SGCZ: variants seen among roughly 807,000 people sequenced by gnomAD.
The protein encoded by SGCZ is zeta-sarcoglycan.
In SGCZ, 40 loss-of-function variants were observed where a neutral mutation model predicts 41.3. The observed-to-expected ratio is 0.97, with a 90% CI of 0.75 to 1.26. SGCZ has a LOEUF of 1.26. Ranked by LOEUF, SGCZ falls within the 50% of genes most tolerant of loss-of-function variation. SGCZ has a pLI of 0.00. For missense variants in SGCZ, 552 were observed against 369.8 expected, an observed-to-expected ratio of 1.49 and a Z score of -4.04; for synonymous variants, 206 against 137.5, an observed-to-expected ratio of 1.50 and a Z score of -3.49.
At chr8:14,768,640 C>G (rs1210983716) in intron 1 of SGCZ, among the ~76,000 whole-genome samples, 2 of 152,114 alleles carry the variant, frequency 1.3e-5, no homozygotes, top group Non-Finnish European at 2.9e-5. Context: ...CTAAGCTGCA[C>G]GTAGTCACCA....
rs547493723 is a variant in SGCZ at position 14,565,823 on chromosome 8, T to C, written c.40-10897A>G. 8.8e-4 allele frequency among the ~76,000 whole-genome samples: 134 copies of C among 152,202 alleles called. 3 individuals are homozygous for C. The highest frequency in any genetic ancestry group is 3.9e-3 in the Admixed American group (60 of 15,292). On this transcript the variant is annotated intron_variant, in intron 1 of 7. Transcript: ENST00000382080. ...TAGAGGATGGCTTCCATAACACTGA[T>C]AATAAAGAGAAAGACACCAATGGTT...
intron 1 of SGCZ, among the ~76,000 whole-genome samples, chr8:14,766,561 A>G (rs1800041381): frequency 6.6e-6 from 1 of 151,752 alleles, no homozygotes; most frequent in South Asian, 2.1e-4. Context: ...TTTTAAAAAT[A>G]TATATATTTT....
At chr8:14,946,464 C>T (rs1800450590) in intron 1 of SGCZ, among the ~76,000 whole-genome samples, 1 of 152,122 alleles carries the variant, frequency 6.6e-6, no homozygotes, top group African/African-American at 2.4e-5. Flanking sequence ...TGTGTTCCTC[C>T]ATGATGTGCC....
rs186576252 is a variant in SGCZ at position 15,028,936 on chromosome 8, T to C, written c.39+208649A>G. ...GGTTGCAAACATATTCATAATCAAG[T>C]TTTGTGAATGAATATAAATGTGCAA... On this transcript the variant is annotated intron_variant, in intron 1 of 7. Transcript: ENST00000382080. 2.0e-5 allele frequency among the ~76,000 whole-genome samples: 3 copies of C among 152,158 alleles called. No homozygotes were observed. The East Asian group carries it at 5.8e-4, about 29-fold the overall frequency.
intron 4 of SGCZ, among the ~76,000 whole-genome samples, chr8:14,189,603 G>C (rs569804078): frequency 6.6e-6 from 1 of 152,090 alleles, no homozygotes. Flanking sequence ...ATAATGAGCC[G>C]TCTGCTCAGA....
At chr8:14,117,130 G>C (rs1033765666) in intron 5 of SGCZ, among the ~76,000 whole-genome samples, 1 of 152,006 alleles carries the variant, frequency 6.6e-6, no homozygotes, top group African/African-American at 2.4e-5. Context: ...TATCTTTAAA[G>C]ATGTATCTTT....
chr8:14,438,681 T>G (rs1800160300), intron 2 of SGCZ, among the ~76,000 whole-genome samples: 1 of 152,036 alleles, frequency 6.6e-6, no homozygotes, highest in South Asian at 2.1e-4. Context: ...CATCAGATAT[T>G]TCATGAGGCT....
At chr8:15,125,651 G>C (rs554496534) in intron 1 of SGCZ, among the ~76,000 whole-genome samples, 2 of 152,094 alleles carry the variant, frequency 1.3e-5, no homozygotes, top group South Asian at 2.1e-4. Context: ...TGATTAGATA[G>C]AATAGTTATG....
intron 1 of SGCZ, among the ~76,000 whole-genome samples, chr8:14,991,371 T>A (rs1413460983): frequency 5.3e-5 from 8 of 152,162 alleles, no homozygotes; most frequent in Non-Finnish European, 1.0e-4. Context: ...TTCTGACCTA[T>A]TCAGGCAGAC....
At chr8:14,155,570 C>A (rs963116482) in intron 5 of SGCZ, among the ~76,000 whole-genome samples, 4 of 151,990 alleles carry the variant, frequency 2.6e-5, no homozygotes, top group Non-Finnish European at 5.9e-5. Flanking sequence ...TGAAATGGTG[C>A]TTTTCTAATC....
intron 1 of SGCZ, among the ~76,000 whole-genome samples, chr8:14,930,678 C>T (rs946391299): frequency 6.6e-6 from 1 of 151,954 alleles, no homozygotes; most frequent in African/African-American, 2.4e-5. Context: ...GAGTTCACGT[C>T]CTTTGCAGGG....
chr8:14,430,171 G>C (rs928018679), intron 2 of SGCZ, among the ~76,000 whole-genome samples: 1 of 152,006 alleles, frequency 6.6e-6, no homozygotes, highest in Non-Finnish European at 1.5e-5. Context: ...TAGAGAAAGA[G>C]GGAATCCTCC....
chr8:14,278,433 C>G (rs1282867587), intron 3 of SGCZ, among the ~76,000 whole-genome samples: 1 of 152,050 alleles, frequency 6.6e-6, no homozygotes, highest in Non-Finnish European at 1.5e-5. Context: ...ATAATTTAGT[C>G]AAATTACAAC....
chr8:14,904,818 G>A (rs1411916448), intron 1 of SGCZ, among the ~76,000 whole-genome samples: 3 of 151,684 alleles, frequency 2.0e-5, no homozygotes, highest in Non-Finnish European at 4.4e-5. Context: ...TCTACAAGTC[G>A]TCACAGATTT....
At chr8:15,141,073 C>T (rs1340786026) in intron 1 of SGCZ, among the ~76,000 whole-genome samples, 1 of 152,190 alleles carries the variant, frequency 6.6e-6, no homozygotes, top group Non-Finnish European at 1.5e-5. Flanking sequence ...TTCCTTTTGC[C>T]CTGACTTCTT....
chr8:14,384,168 A>C (rs1329863518), intron 2 of SGCZ, among the ~76,000 whole-genome samples: 1 of 151,738 alleles, frequency 6.6e-6, no homozygotes, highest in Non-Finnish European at 1.5e-5. Context: ...TCCTGTGTCC[A>C]TGTGTTCTCA....
chr8:15,205,870 C>T (rs1801043509), intron 1 of SGCZ, among the ~76,000 whole-genome samples: 1 of 152,030 alleles, frequency 6.6e-6, no homozygotes, highest in Non-Finnish European at 1.5e-5. Context: ...CCTAAATGCC[C>T]ATAAATGACA....
chr8:14,266,415 G>A (rs1187308727), intron 3 of SGCZ, among the ~76,000 whole-genome samples: 1 of 151,874 alleles, frequency 6.6e-6, no homozygotes, highest in African/African-American at 2.4e-5. Context: ...AATATGAACA[G>A]GCATATTAAA....
At chr8:14,597,422 T>C (rs1292473006) in intron 1 of SGCZ, among the ~76,000 whole-genome samples, 1 of 152,150 alleles carries the variant, frequency 6.6e-6, no homozygotes, top group Non-Finnish European at 1.5e-5. Context: ...TAGACACAAG[T>C]CTCTTTTCAG....
Sources: gnomAD v4.1 joint callset for allele counts (sites outside exome capture counted in the v4.1 genomes callset) on GRCh38, gnomAD v4.1.1 for gene constraint, MANE v1.5 for transcripts, NCBI Gene and HGNC (gene_info 2026-07-23, HGNC 2026-07-21) for gene names.